QTRT1: variants seen among roughly 807,000 people sequenced by gnomAD.
The protein encoded by QTRT1 is TGT, 43-KD subunit.
Under a neutral mutation model 44.0 loss-of-function variants are expected in QTRT1, and 41 were observed. The observed-to-expected ratio is 0.93, with a 90% CI of 0.73 to 1.21. The LOEUF (loss-of-function observed/expected upper bound fraction) is 1.21. Ranked by LOEUF, QTRT1 falls within the 50% of genes most tolerant of loss-of-function variation. QTRT1 has a pLI of 0.00. For missense variants in QTRT1, 542 were observed against 575.8 expected (o/e 0.94, Z 0.60); for synonymous variants, 226 against 237.1 (o/e 0.95, Z 0.43).
rs775567862 is a variant in QTRT1 at position 10,701,568 on chromosome 19, G to T, written c.108G>T (p.Pro36=). The T allele has an allele frequency of 3.1e-6, 5 of 1,607,380 alleles. No homozygotes were observed. In the East Asian group the frequency reaches 8.9e-5, roughly 29 times the overall value. The change falls in exon 1 of 10, where the codon CCG becomes CCT. Residue 36 remains proline (P), a synonymous_variant. Coordinates refer to ENST00000250237, the MANE Select transcript of QTRT1 (RefSeq NM_031209.3). ...SRARAGELWL[P]HGTVATPVFM... ...CCCGGGCAGGCGAGCTGTGGCTGCC[G>T]CATGGGACAGTGGCCACTCCTGTGT...
At chr19:10,703,310 C>T (rs1017514633) in intron 3 of QTRT1, among the ~76,000 whole-genome samples, 1 of 151,958 alleles carries the variant, frequency 6.6e-6, no homozygotes, top group Non-Finnish European at 1.5e-5. Flanking sequence ...GATCCACCTG[C>T]TTCGGCCTCG....
chr19:10,705,425 G>C (rs1052768284), intron 3 of QTRT1, among the ~76,000 whole-genome samples: 1 of 151,504 alleles, frequency 6.6e-6, no homozygotes, highest in Admixed American at 6.6e-5. Flanking sequence ...TTTTAGTAGA[G>C]ACGGGGTTTC....
At chr19:10,708,875 C>G (rs888469929) in intron 5 of QTRT1, 1 of 151,286 alleles carries the variant, frequency 6.6e-6, no homozygotes, top group Non-Finnish European at 1.5e-5. Context: ...AAGTGATTCT[C>G]CTGCCTCAGC....
intron 3 of QTRT1, among the ~76,000 whole-genome samples, chr19:10,702,877 C>A (rs755307756): frequency 1.4e-5 from 2 of 140,054 alleles, no homozygotes. Context: ...TCAAGTGATT[C>A]TCCTGACTCA....
chr19:10,705,238 C>A (rs1255747571), intron 3 of QTRT1, among the ~76,000 whole-genome samples: 3 of 138,588 alleles, frequency 2.2e-5, no homozygotes, highest in Admixed American at 7.4e-5. Context: ...TTCGTCTTTT[C>A]TTTTTTTTTT....
chr19:10,712,323 G>T lies in QTRT1; in HGVS notation c.785+24G>T. The T allele has an allele frequency of 6.3e-7, 1 of 1,591,534 alleles. No individual in the cohort carries two copies. The highest frequency in any genetic ancestry group is 8.6e-7 in the Non-Finnish European group (1 of 1,168,226). On this transcript the variant is annotated intron_variant, in intron 6 of 9. Transcript: ENST00000250237. This position sits in a 1 kb window ranked among gnomAD's most constrained non-coding sequence, Gnocchi z 5.6. ...GGGTATGTTGTGGATAGGGAAGCCA[G>T]AGCCCTACCTGTGGGAAGTGGATTC...
chr19:10,701,725 G>C, intron 1 of QTRT1, 22 bp downstream of exon 1: 1 of 1,565,312 alleles, frequency 6.4e-7, no homozygotes, highest in Non-Finnish European at 8.7e-7. Flanking sequence ...CTGCCCGCGC[G>C]GGGAGGCGGC....
At chr19:10,701,741 G>A (rs748439881) in intron 1 of QTRT1, 38 bp downstream of exon 1, 4 of 1,556,770 alleles carry the variant, frequency 2.6e-6, no homozygotes, top group Admixed American at 3.8e-5. Context: ...GCGGCGAGGC[G>A]GCGAGGCGTG....
At chr19:10,704,538 C>T (rs577256628) in intron 3 of QTRT1, among the ~76,000 whole-genome samples, 1 of 152,008 alleles carries the variant, frequency 6.6e-6, no homozygotes, top group African/African-American at 2.4e-5. Flanking sequence ...TCGTGATTCG[C>T]CCATCTCGGC....
chr19:10,708,065 A>G (rs1381521628), intron 5 of QTRT1, among the ~76,000 whole-genome samples: 1 of 151,120 alleles, frequency 6.6e-6, no homozygotes, highest in East Asian at 1.9e-4. Context: ...CCCGGGTTCA[A>G]TCTATTCTCC....
In QTRT1 at chr19:10,707,544, C is replaced by A; in HGVS notation, c.575C>A (p.Pro192Gln). Residue 192 changes from proline (P) to glutamine (Q), a missense_variant, in exon 5 of 10, where the codon CCG becomes CAG. Physicochemically the swap from Pro to Gln is moderately conservative, Grantham distance 76. Coordinates refer to ENST00000250237, the MANE Select transcript of QTRT1 (RefSeq NM_031209.3). Reference sequence around the variant, plus strand: ...CGGTGCATTGCAGCCCATCAGCGGCCGGACAAGCAGAACCTCTTCGCCATT... The same window carrying A: ...CGGTGCATTGCAGCCCATCAGCGGCAGGACAAGCAGAACCTCTTCGCCATT... ...LDRCIAAHQR[P>Q]DKQNLFAIIQ... 6.2e-7 allele frequency: 1 copy of A among 1,613,098 alleles called. No homozygotes were observed. Among genetic ancestry groups the A allele is most frequent in the East Asian group, 2.2e-5 (1 of 44,858 alleles).
intron 5 of QTRT1, chr19:10,711,908 C>T (rs552680139): frequency 1.0e-5 from 6 of 585,720 alleles, no homozygotes; most frequent in Admixed American, 3.0e-5. Flanking sequence ...GTCTTGCATA[C>T]AGCAGGCACT....
chr19:10,707,532 C>T lies in QTRT1; in HGVS notation c.563C>T (p.Ala188Val). 6.2e-7 allele frequency: 1 copy of T among 1,613,212 alleles called. No individual in the cohort carries two copies. The highest frequency in any genetic ancestry group is 8.5e-7 in the Non-Finnish European group (1 of 1,179,554). ...SIRWLDRCIA[A>V]HQRPDKQNLF... ...CGCTGGCTGGACCGGTGCATTGCAG[C>T]CCATCAGCGGCCGGACAAGCAGAAC... The change falls in exon 5 of 10, where the codon GCC becomes GTC. Residue 188 changes from alanine (A) to valine (V), a missense_variant. Ala to Val is a moderately conservative substitution (Grantham distance 64). Transcript: ENST00000250237.
intron 3 of QTRT1, among the ~76,000 whole-genome samples, chr19:10,703,354 G>T (rs775456840): frequency 6.6e-6 from 1 of 151,948 alleles, no homozygotes; most frequent in Non-Finnish European, 1.5e-5. Flanking sequence ...GAGCCACCAC[G>T]CCTGGCCCAA....
At position 10,713,100 on chromosome 19, in the gene QTRT1, G is replaced by C. The variant is rs768373440; in HGVS notation, c.1060-18G>C. ...GTCCTAGGTGCGTATGCCCCACGCT[G>C]ACCTCCCCTCCCCGCAGCTGCAGCT... is the stretch of plus-strand genomic sequence containing the variant. On this transcript the variant is annotated intron_variant, in intron 9 of 9. Coordinates refer to ENST00000250237, the MANE Select transcript of QTRT1 (RefSeq NM_031209.3). This position sits in a 1 kb window ranked among gnomAD's most constrained non-coding sequence, Gnocchi z 4.3. 1 of 1,608,640 alleles carries C rather than the reference G, an allele frequency of 6.2e-7. No individual in the cohort carries two copies. The highest frequency in any genetic ancestry group is 8.5e-7 in the Non-Finnish European group (1 of 1,179,574).
At position 10,713,182 on chromosome 19, in the gene QTRT1, A is replaced by T; in HGVS notation, c.1124A>T (p.Asp375Val). ...AAGCGCTTCCCGGACTTCGTGCGGG[A>T]CTTCATGGGCGCCATGTACGGGGAT... ...VEKRFPDFVR[D>V]FMGAMYGDPT... The change falls in exon 10 of 10, where the codon GAC becomes GTC. Residue 375 changes from aspartate to valine, a missense_variant. By Grantham distance (152) the Asp-to-Val change is radical (BLOSUM62 -3). Transcript: ENST00000250237. The surrounding 1 kb of genome is among the most constrained non-coding windows in gnomAD (Gnocchi z 4.3). The T allele has an allele frequency of 6.2e-7, 1 of 1,609,804 alleles. No individual in the cohort carries two copies.
chr19:10,702,666 A>G (rs1019881076), intron 3 of QTRT1, among the ~76,000 whole-genome samples: 1 of 152,108 alleles, frequency 6.6e-6, no homozygotes, highest in African/African-American at 2.4e-5. Flanking sequence ...AAAATAAAAA[A>G]AACAAATTAA....
chr19:10,709,541 G>A (rs1373164646), intron 5 of QTRT1, among the ~76,000 whole-genome samples: 4 of 152,032 alleles, frequency 2.6e-5, no homozygotes, highest in East Asian at 3.9e-4. Context: ...GTAAAACCCC[G>A]TTTCTACTAA....
intron 5 of QTRT1, chr19:10,711,913 G>A: frequency 1.7e-6 from 1 of 590,070 alleles, no homozygotes; most frequent in Non-Finnish European, 3.0e-6. Context: ...GCATACAGCA[G>A]GCACTCAATA....
Sources: allele counts gnomAD v4.1 joint callset (sites outside exome capture counted in the v4.1 genomes callset), GRCh38; gene constraint gnomAD v4.1.1; non-coding constraint Gnocchi (gnomAD v3.1); transcripts MANE v1.5; gene names NCBI Gene and HGNC (gene_info 2026-07-23, HGNC 2026-07-21).